PACRGL: variants seen among roughly 807,000 people sequenced by gnomAD.
PACRGL encodes the protein parkin coregulated like.
A neutral mutation model predicts 34.5 loss-of-function variants in PACRGL; 38 were observed. The observed-to-expected ratio is 1.10, with a 90% confidence interval of 0.85 to 1.44. PACRGL has a LOEUF of 1.44. Among genes scored for constraint, PACRGL ranks in the 40% most tolerant of loss-of-function variants. PACRGL has a pLI of 0.00. For synonymous variants in PACRGL, 128 were observed against 100.1 expected, an observed-to-expected ratio of 1.28 and a Z score of -1.66; for missense variants, 305 against 281.4, an observed-to-expected ratio of 1.08 and a Z score of -0.60.
intron 7 of PACRGL, among the ~76,000 whole-genome samples, chr4:20,716,411 C>T (rs1004746599): frequency 2.0e-5 from 3 of 151,900 alleles, no homozygotes; most frequent in South Asian, 2.1e-4. Context: ...AGGTTTGTTA[C>T]GTATGTATAC....
chr4:20,758,867 A>G, the PACRGL span: 1 of 1,613,412 alleles, frequency 6.2e-7, no homozygotes, highest in Non-Finnish European at 8.5e-7. Context: ...AGGTTTCTTC[A>G]TTAACAACAC....
chr4:20,717,399 G>T (rs1740646145), intron 7 of PACRGL, among the ~76,000 whole-genome samples: 1 of 152,146 alleles, frequency 6.6e-6, no homozygotes, highest in African/African-American at 2.4e-5. Flanking sequence ...TAGACATGAA[G>T]TCCTTGCCCA....
intron 1 of PACRGL, among the ~76,000 whole-genome samples, chr4:20,703,750 G>A (rs1008844178): frequency 6.6e-6 from 1 of 152,128 alleles, no homozygotes. Flanking sequence ...GGTTTAGGGA[G>A]GTTAAATAAT....
chr4:20,713,964 T>C (rs1738561935), intron 7 of PACRGL, among the ~76,000 whole-genome samples: 1 of 152,238 alleles, frequency 6.6e-6, no homozygotes, highest in Admixed American at 6.5e-5. Flanking sequence ...CTGAAAAAAA[T>C]GTATATTCTG....
chr4:20,703,264 T>C (rs1021017395), intron 1 of PACRGL, among the ~76,000 whole-genome samples: 1 of 152,158 alleles, frequency 6.6e-6, no homozygotes, highest in Non-Finnish European at 1.5e-5. Flanking sequence ...TGAGAGGCAG[T>C]CATTATTAAA....
chr4:20,712,646 T>G (rs1209131228), intron 5 of PACRGL, 142 bp from the exon 6 acceptor site: 8 of 810,044 alleles, frequency 9.9e-6, no homozygotes, highest in Non-Finnish European at 1.4e-5. Flanking sequence ...TAATTGAAAT[T>G]GTAACTACTG....
At chr4:20,722,305 C>T (rs1250196613) in intron 7 of PACRGL, among the ~76,000 whole-genome samples, 2 of 152,242 alleles carry the variant, frequency 1.3e-5, no homozygotes, top group Admixed American at 6.5e-5. Context: ...TGCTTCGGCT[C>T]ACACTTGGTG....
chr4:20,759,012 C>T, the PACRGL span: 2 of 690,564 alleles, frequency 2.9e-6, no homozygotes, highest in South Asian at 1.9e-5. Flanking sequence ...ACCATTCATC[C>T]ATTATTACAA....
chr4:20,735,916 A>T (rs2149279802), downstream of PACRGL, among the ~76,000 whole-genome samples: 1 of 152,354 alleles, frequency 6.6e-6, no homozygotes, highest in South Asian at 2.1e-4. Flanking sequence ...GGTAGGAATG[A>T]AAGCAGAGGG....
At chr4:20,757,117 C>T (rs1218869469), downstream of PACRGL, among the ~76,000 whole-genome samples, 2 of 152,122 alleles carry the variant, frequency 1.3e-5, no homozygotes, top group African/African-American at 4.8e-5. Flanking sequence ...TGTAAAGAGT[C>T]ACCTGGTGTC....
intron 4 of PACRGL, among the ~76,000 whole-genome samples, chr4:20,709,045 A>G (rs1735872575): frequency 6.6e-6 from 1 of 151,944 alleles, no homozygotes; most frequent in South Asian, 2.1e-4. Context: ...AGGCTTAGGC[A>G]GGAGAATTGC....
At chr4:20,722,828 A>C (rs1488410484) in intron 7 of PACRGL, among the ~76,000 whole-genome samples, 1 of 152,180 alleles carries the variant, frequency 6.6e-6, no homozygotes, top group Non-Finnish European at 1.5e-5. Context: ...GAAGTTCTAT[A>C]CCGCATACTG....
At chr4:20,709,598 A>G in intron 4 of PACRGL, 85 bp from the exon 5 acceptor site, 1 of 804,418 alleles carries the variant, frequency 1.2e-6, no homozygotes, top group Non-Finnish European at 2.0e-6. Context: ...AATAAATCTG[A>G]TATGGTTATA....
downstream of PACRGL, among the ~76,000 whole-genome samples, chr4:20,736,462 T>C (rs894781804): frequency 1.3e-5 from 2 of 152,210 alleles, no homozygotes; most frequent in African/African-American, 4.8e-5. Flanking sequence ...TTCTGTATGA[T>C]AATTTTATAC....
chr4:20,722,860 A>G (rs535576578), intron 7 of PACRGL, among the ~76,000 whole-genome samples: 1 of 152,276 alleles, frequency 6.6e-6, no homozygotes, highest in African/African-American at 2.4e-5. Flanking sequence ...AAAGAGTTAG[A>G]TAGGACCTCC....
Position 20,704,605 on chromosome 4 carries a change from A to G in PACRGL, c.53-55A>G. The G allele has an allele frequency of 1.9e-6, 3 of 1,613,324 alleles. No individual in the cohort carries two copies. The East Asian group carries it at 6.7e-5, about 36-fold the overall frequency. ...CACTTTCTGTGCTACAGATGGATGC[A>G]GGGTGAACTTTATTGCTTGTACCTG... is the stretch of plus-strand genomic sequence containing the variant. On this transcript the variant is annotated intron_variant, in intron 2 of 8. Coordinates refer to ENST00000503585, the MANE Select transcript of PACRGL (RefSeq NM_001258345.3).
At chr4:20,739,353 A>C (rs763550168) in intron 8 of PACRGL, among the ~76,000 whole-genome samples, 13 of 152,314 alleles carry the variant, frequency 8.5e-5, no homozygotes, top group Middle Eastern at 3.4e-3. Flanking sequence ...CTGACACCTC[A>C]TACAGCCAGG....
At chr4:20,719,488 C>T (rs1160766156) in intron 7 of PACRGL, among the ~76,000 whole-genome samples, 3 of 152,208 alleles carry the variant, frequency 2.0e-5, no homozygotes, top group African/African-American at 7.2e-5. Context: ...TTTCCCTCTA[C>T]ACACTGCTTT....
chr4:20,709,464 CTG>C (rs537129672), intron 4 of PACRGL, among the ~76,000 whole-genome samples: 86 of 152,314 alleles, frequency 5.6e-4, no homozygotes, highest in African/African-American at 2.0e-3. Flanking sequence ...AGCACCAAAA[CTG>C]TAACCTTAAC....
Sources: gnomAD v4.1 joint callset for allele counts (sites outside exome capture counted in the v4.1 genomes callset) on GRCh38, gnomAD v4.1.1 for gene constraint, MANE v1.5 for transcripts, NCBI Gene and HGNC (gene_info 2026-07-23, HGNC 2026-07-21) for gene names.